The following COL23A1 variants were observed in gnomAD, a reference collection of about 807,000 sequenced individuals.
COL23A1 encodes the protein collagen type XXIII alpha 1 chain.
COL23A1 carries 97 observed loss-of-function variants against 99.3 expected under a neutral mutation model. The observed-to-expected ratio is 0.98, with a 90% confidence interval of 0.83 to 1.16. The LOEUF (loss-of-function observed/expected upper bound fraction) is 1.16, where lower values mean the gene tolerates loss of function less well. Ranked by LOEUF, COL23A1 falls within the 50% of genes most tolerant of loss-of-function variation. COL23A1 has a pLI of 0.00. For missense variants in COL23A1, 762 were observed against 757.4 expected (o/e 1.01, Z -0.07); for synonymous variants, 320 against 308.2 (o/e 1.04, Z -0.40).
chr5:178,410,358 A>G (rs1764996085), intron 2 of COL23A1, among the ~76,000 whole-genome samples: 1 of 152,218 alleles, frequency 6.6e-6, no homozygotes, highest in African/African-American at 2.4e-5. Flanking sequence ...TTCTGCAAAA[A>G]TGGAGAAGCC....
chr5:178,496,292 C>G (rs547948778), intron 2 of COL23A1, among the ~76,000 whole-genome samples: 6 of 152,130 alleles, frequency 3.9e-5, no homozygotes, highest in African/African-American at 1.4e-4. Context: ...GGCCCCGAAG[C>G]CACTCACTCT....
intron 2 of COL23A1, among the ~76,000 whole-genome samples, chr5:178,459,731 C>T (rs946900684): frequency 6.6e-6 from 1 of 152,128 alleles, no homozygotes; most frequent in African/African-American, 2.4e-5. Context: ...CACTGCATTA[C>T]AGCCTGGGTG....
chr5:178,420,605 TC>T (rs1316301015), intron 2 of COL23A1, among the ~76,000 whole-genome samples: 1 of 1,550 alleles, frequency 6.5e-4, no homozygotes, highest in Non-Finnish European at 1.2e-3. Context: ...CCTCCCCCCT[TC>T]CCCCCCTTTC....
rs149183354 is a variant in COL23A1 at position 178,377,301 on chromosome 5, C to G, written c.362-70382G>C. On this transcript the variant is annotated intron_variant, in intron 2 of 28. Transcript: ENST00000390654. The stretch of plus-strand genomic sequence containing the variant: ...AACATGCCATGTCTTTCCTTCCTGG[C>G]TGTGCAAAGGCAGTGTGTTCCTCCT... Among the ~76,000 whole-genome samples the G allele has an allele frequency of 6.5e-4, 99 of 152,344 alleles. 2 individuals carry two copies. In the East Asian group the frequency reaches 0.013, roughly 19 times the overall value.
chr5:178,402,314 G>GA (rs1480198734), intron 2 of COL23A1, among the ~76,000 whole-genome samples: 1 of 152,044 alleles, frequency 6.6e-6, no homozygotes, highest in East Asian at 1.9e-4. Flanking sequence ...AATGTGGTGA[G>GA]ACCCTGTCTC....
At chr5:178,551,666 G>A (rs1482179286) in intron 2 of COL23A1, among the ~76,000 whole-genome samples, 5 of 152,126 alleles carry the variant, frequency 3.3e-5, no homozygotes, top group African/African-American at 1.2e-4. Flanking sequence ...CCATTCGACA[G>A]GGCGTTATCA....
intron 2 of COL23A1, among the ~76,000 whole-genome samples, chr5:178,514,879 G>A (rs1192008102): frequency 4.6e-5 from 7 of 152,156 alleles, no homozygotes; most frequent in South Asian, 2.1e-4. Flanking sequence ...ATTATGATGC[G>A]GCATTTTCAG....
chr5:178,246,100 T>C (rs1764678588), intron 24 of COL23A1, 132 bp from the exon 25 acceptor site: 46 of 1,321,632 alleles, frequency 3.5e-5, no homozygotes, highest in South Asian at 2.0e-4. Context: ...CAGGCATAGA[T>C]GGAGGCCAGG....
chr5:178,458,597 A>G (rs1300654473), intron 2 of COL23A1, among the ~76,000 whole-genome samples: 1 of 151,906 alleles, frequency 6.6e-6, no homozygotes, highest in African/African-American at 2.4e-5. Flanking sequence ...AGATTGCATC[A>G]CTGCACTCCA....
At chr5:178,259,111 G>A (rs932903270) in intron 12 of COL23A1, among the ~76,000 whole-genome samples, 2 of 151,952 alleles carry the variant, frequency 1.3e-5, no homozygotes, top group African/African-American at 4.8e-5. Context: ...AGGAGAGATG[G>A]GGTTTCATCA....
At chr5:178,483,311 G>A (rs1408880129) in intron 2 of COL23A1, among the ~76,000 whole-genome samples, 2 of 151,762 alleles carry the variant, frequency 1.3e-5, no homozygotes, top group Non-Finnish European at 2.9e-5. Context: ...ACATAAAACT[G>A]AGGAATTAAA....
At position 178,389,974 on chromosome 5, in the gene COL23A1, C is replaced by T. The variant is rs73349068; in HGVS notation, c.362-83055G>A. The stretch of plus-strand genomic sequence containing the variant: ...ACATGCTTACAGGAAAGACGCTCGG[C>T]GGCAGGAGCTAGCAGCGGGGTGCTC... On this transcript the variant is annotated intron_variant, in intron 2 of 28. Coordinates refer to ENST00000390654, the MANE Select transcript of COL23A1 (RefSeq NM_173465.4). Among the ~76,000 whole-genome samples, 224 of 152,318 alleles carry T rather than the reference C, an allele frequency of 1.5e-3. 1 individual carries two copies. Among genetic ancestry groups the T allele is most frequent in the African/African-American group, 5.2e-3 (215 of 41,572 alleles).
rs376164342 is a variant in COL23A1, at chr5:178,347,878, T to TC, written c.362-40960dup. On this transcript the variant is annotated intron_variant, in intron 2 of 28. Coordinates refer to ENST00000390654, the MANE Select transcript of COL23A1 (RefSeq NM_173465.4). ...CCTGGTGACAGAGCAAGACTCTGTC[T>TC]CAAAAAAAAAAAAAAAAAACCCAAA... 5.0e-3 allele frequency among the ~76,000 whole-genome samples: 197 copies of TC among 39,208 alleles called. 2 individuals are homozygous for TC. The highest frequency in any genetic ancestry group is 8.5e-3 in the Admixed American group (27 of 3,160). 25.7% of individuals were successfully genotyped at this position (39,208 alleles called of 152,430 possible).
chr5:178,441,977 T>A (rs1206948363), intron 2 of COL23A1, among the ~76,000 whole-genome samples: 1 of 152,036 alleles, frequency 6.6e-6, no homozygotes, highest in African/African-American at 2.4e-5. Context: ...CATGCCTCAG[T>A]TTCCCTGCCC....
chr5:178,520,198 T>TGGCTGGTAAGGAAGGAGGGAA (rs1562048638), intron 2 of COL23A1, among the ~76,000 whole-genome samples: 1 of 152,106 alleles, frequency 6.6e-6, no homozygotes, highest in Admixed American at 6.6e-5. Flanking sequence ...GATGGATGGA[T>TGGCTGGTAAGGAAGGAGGGAA]GGCTGGTAAG....
At chr5:178,537,064 T>C (rs1348943726) in intron 2 of COL23A1, among the ~76,000 whole-genome samples, 2 of 152,240 alleles carry the variant, frequency 1.3e-5, no homozygotes, top group Non-Finnish European at 2.9e-5. Context: ...GGCACTGGCC[T>C]GGGCCAGACT....
Position 178,313,436 on chromosome 5 carries a change from G to A in COL23A1, c.362-6517C>T, listed in dbSNP as rs537111270. On this transcript the variant is annotated intron_variant, in intron 2 of 28. Transcript: ENST00000390654. The surrounding 1 kb of genome is among the most constrained non-coding windows in gnomAD (Gnocchi z 4.2). Reference sequence around the variant, plus strand: ...CTACCCCTGAGCGAGGCTGTGAGCCGGGCCGTCCTGATGGAGACTGTGGGG... The same window carrying A: ...CTACCCCTGAGCGAGGCTGTGAGCCAGGCCGTCCTGATGGAGACTGTGGGG... 2.6e-4 allele frequency among the ~76,000 whole-genome samples: 40 copies of A among 152,322 alleles called. No homozygotes were observed. The highest frequency in any genetic ancestry group is 3.4e-3 in the Middle Eastern group (1 of 294).
intron 2 of COL23A1, among the ~76,000 whole-genome samples, chr5:178,463,157 A>G (rs1045883030): frequency 2.0e-5 from 3 of 152,250 alleles, no homozygotes; most frequent in Non-Finnish European, 2.9e-5. Context: ...TTTTTGCTCC[A>G]AAGATTCCAG....
At chr5:178,402,254 G>T (rs536775129) in intron 2 of COL23A1, among the ~76,000 whole-genome samples, 1 of 152,324 alleles carries the variant, frequency 6.6e-6, no homozygotes, top group African/African-American at 2.4e-5. Context: ...TCCTAGGGAG[G>T]CTGAGGTGGG....
Sources: gnomAD v4.1 joint callset for allele counts (sites outside exome capture counted in the v4.1 genomes callset) on GRCh38, gnomAD v4.1.1 for gene constraint, Gnocchi (gnomAD v3.1) non-coding constraint, MANE v1.5 for transcripts, NCBI Gene and HGNC (gene_info 2026-07-23, HGNC 2026-07-21) for gene names.